PRKCE: variants seen among roughly 807,000 people sequenced by gnomAD.
The protein encoded by PRKCE is protein kinase C epsilon, also known as protein kinase C epsilon type.
PRKCE carries 16 observed loss-of-function variants against 85.4 expected under a neutral mutation model. The observed-to-expected ratio is 0.19, with a 90% CI of 0.13 to 0.28. The LOEUF (loss-of-function observed/expected upper bound fraction) is 0.28. PRKCE is among the 10% of genes least tolerant of loss of function. The pLI is 1.00. For missense variants in PRKCE, 573 were observed against 975.2 expected, an observed-to-expected ratio of 0.59 and a Z score of 5.49; for synonymous variants, 388 against 371.5, an observed-to-expected ratio of 1.04 and a Z score of -0.51.
chr2:46,049,088 T>A (rs1708700784), intron 10 of PRKCE, among the ~76,000 whole-genome samples: 1 of 152,158 alleles, frequency 6.6e-6, no homozygotes, highest in Non-Finnish European at 1.5e-5. Context: ...TCTCTTACCT[T>A]CATAGTCAGA....
At chr2:46,127,472 G>C (rs189386826) in intron 11 of PRKCE, among the ~76,000 whole-genome samples, 120 of 152,284 alleles carry the variant, frequency 7.9e-4, no homozygotes, top group South Asian at 1.5e-3. Flanking sequence ...TTTTGCCCCA[G>C]CCTTCTCTTA....
At chr2:45,748,318 C>G (rs561987750) in intron 1 of PRKCE, among the ~76,000 whole-genome samples, 1 of 152,214 alleles carries the variant, frequency 6.6e-6, no homozygotes, top group Non-Finnish European at 1.5e-5. Context: ...TAAGCATTCC[C>G]CAGTCTAGTA....
intron 2 of PRKCE, among the ~76,000 whole-genome samples, chr2:45,971,840 A>T (rs1702131085): frequency 6.6e-6 from 1 of 151,802 alleles, no homozygotes. Flanking sequence ...TACACCATAT[A>T]TTTTTTTAAC....
At position 46,159,539 on chromosome 2, in the gene PRKCE, C is replaced by G; in HGVS notation, c.1921-67C>G. ...AGATGCTGCTTTGGCTGACCTCCAT[C>G]TGTCCCTTATAGCCTGTGCTGGCCA... On this transcript the variant is annotated intron_variant, in intron 13 of 14. Transcript: ENST00000306156. The surrounding 1 kb of genome is among the most constrained non-coding windows in gnomAD (Gnocchi z 4.1). 6.8e-7 allele frequency: 1 copy of G among 1,481,262 alleles called. No homozygotes were observed. The highest frequency in any genetic ancestry group is 1.4e-5 in the African/African-American group (1 of 70,318). The allele number at this position is 1,481,262 out of a possible 1,614,324, so 91.8% of individuals were successfully genotyped here.
chr2:45,747,158 A>T (rs1172830285), intron 1 of PRKCE, among the ~76,000 whole-genome samples: 2 of 152,252 alleles, frequency 1.3e-5, no homozygotes, highest in African/African-American at 4.8e-5. Flanking sequence ...AGTATGTAAT[A>T]TGAAACAACT....
chr2:46,092,142 C>G (rs1670225773), intron 11 of PRKCE, among the ~76,000 whole-genome samples: 1 of 152,224 alleles, frequency 6.6e-6, no homozygotes, highest in Non-Finnish European at 1.5e-5. Flanking sequence ...TGCCTTGTCT[C>G]TTTCAAAAGG....
chr2:46,099,466 G>C (rs556223260), intron 11 of PRKCE, among the ~76,000 whole-genome samples: 8 of 150,366 alleles, frequency 5.3e-5, no homozygotes, highest in Admixed American at 2.0e-4. Context: ...CTTTGCTTAG[G>C]AATACCATAC....
At chr2:46,026,827 A>G (rs1707147558) in intron 10 of PRKCE, among the ~76,000 whole-genome samples, 1 of 152,188 alleles carries the variant, frequency 6.6e-6, no homozygotes, top group Non-Finnish European at 1.5e-5. Context: ...CCATTTCTAT[A>G]AAACCCCCAA....
At chr2:45,737,356 G>A (rs1422977157) in intron 1 of PRKCE, among the ~76,000 whole-genome samples, 2 of 152,162 alleles carry the variant, frequency 1.3e-5, no homozygotes, top group Non-Finnish European at 2.9e-5. Context: ...CACCCTGCCT[G>A]AAGCCAGGCG....
At chr2:45,712,417 A>T (rs1251197099) in intron 1 of PRKCE, among the ~76,000 whole-genome samples, 2 of 151,708 alleles carry the variant, frequency 1.3e-5, no homozygotes, top group East Asian at 1.9e-4. Context: ...TGGCCTTCCA[A>T]AGTGCTGGGA....
At chr2:45,816,943 T>G (rs910732774) in intron 1 of PRKCE, among the ~76,000 whole-genome samples, 97 of 152,360 alleles carry the variant, frequency 6.4e-4, no homozygotes, top group African/African-American at 2.3e-3. Flanking sequence ...ACATGTTTTC[T>G]ATAATTACCA....
chr2:46,160,154 G>A (rs1272598454), intron 14 of PRKCE: 1 of 206,954 alleles, frequency 4.8e-6, no homozygotes, highest in Non-Finnish European at 9.6e-6. Flanking sequence ...TAATAGCCGT[G>A]GTCATTCCGT....
chr2:45,656,109 C>CT (rs1292487608), intron 1 of PRKCE, among the ~76,000 whole-genome samples: 1 of 152,154 alleles, frequency 6.6e-6, no homozygotes, highest in African/African-American at 2.4e-5. Flanking sequence ...AAATTTAAGA[C>CT]TTTTTTCTGA....
At chr2:45,794,945 G>A (rs1407702877) in intron 1 of PRKCE, among the ~76,000 whole-genome samples, 2 of 150,392 alleles carry the variant, frequency 1.3e-5, no homozygotes, top group African/African-American at 4.9e-5. Flanking sequence ...TGAGAGCAGA[G>A]TGATTCAGAC....
chr2:45,834,376 TA>T (rs1690676990), intron 1 of PRKCE, among the ~76,000 whole-genome samples: 1 of 152,232 alleles, frequency 6.6e-6, no homozygotes, highest in South Asian at 2.1e-4. Context: ...AGGGACATTT[TA>T]TTTTTTTAAA....
rs1366257152 is a variant in PRKCE at position 46,086,960 on chromosome 2, A to T, written c.1592+598A>T. On this transcript the variant is annotated intron_variant, in intron 11 of 14. Transcript: ENST00000306156. Reference sequence around the variant, plus strand: ...GAAACACACGCACGTCCACACACACATGCACGCGCACACTGATTTTCCATG... The same window carrying T: ...GAAACACACGCACGTCCACACACACTTGCACGCGCACACTGATTTTCCATG... Among the ~76,000 whole-genome samples, 5 of 152,156 alleles carry T rather than the reference A, an allele frequency of 3.3e-5. No homozygotes were observed. The East Asian group carries it at 9.6e-4, about 29-fold the overall frequency.
At chr2:45,938,974 G>GA (rs1365009900) in intron 2 of PRKCE, among the ~76,000 whole-genome samples, 1 of 152,152 alleles carries the variant, frequency 6.6e-6, no homozygotes, top group Admixed American at 6.5e-5. Flanking sequence ...CAACACTCAG[G>GA]AATCCAGCGC....
At chr2:46,064,261 A>ACGGTGG (rs1359253672) in intron 10 of PRKCE, among the ~76,000 whole-genome samples, 1 of 146,538 alleles carries the variant, frequency 6.8e-6, no homozygotes, top group Non-Finnish European at 1.5e-5. Flanking sequence ...CACCTGGGTG[A>ACGGTGG]CAGAGTGAGA....
chr2:45,657,116 A>G lies in PRKCE; in HGVS notation c.348+4668A>G, dbSNP rs115131702. Among the ~76,000 whole-genome samples, 437 of 152,312 alleles carry G rather than the reference A, an allele frequency of 2.9e-3. 2 individuals are homozygous for G. Among genetic ancestry groups the G allele is most frequent in the African/African-American group, 0.01 (424 of 41,560 alleles). On this transcript the variant is annotated intron_variant, in intron 1 of 14. Transcript: ENST00000306156. ...TTCTCTATCATTGCTTCAGTAGTCT[A>G]CACACTGAGCTCAGTTTCCTCTTTG...
Sources: gnomAD v4.1 joint callset for allele counts (sites outside exome capture counted in the v4.1 genomes callset) on GRCh38, gnomAD v4.1.1 for gene constraint, Gnocchi (gnomAD v3.1) non-coding constraint, MANE v1.5 for transcripts, NCBI Gene and HGNC (gene_info 2026-07-23, HGNC 2026-07-21) for gene names.